Variants in FMN2 observed in about 807,000 individuals in gnomAD.
FMN2 encodes formin 2, also known as formin-2.
A neutral mutation model predicts 142.3 loss-of-function variants in FMN2; 51 were observed. The ratio of observed to expected loss-of-function variants is 0.36; its 90% CI spans 0.29 to 0.45. FMN2 has a LOEUF of 0.45. Ranked by LOEUF, FMN2 falls within the 20% of genes least tolerant of loss-of-function variation. The probability of loss-of-function intolerance (pLI) is 1.00; values close to 1 mark genes in which losing one functional copy is unlikely to be tolerated. For synonymous variants in FMN2, 882 were observed against 869.8 expected (o/e 1.01, Z -0.25); for missense variants, 1,936 against 2,122.8 (o/e 0.91, Z 1.73).
intron 2 of FMN2, among the ~76,000 whole-genome samples, chr1:240,169,181 A>G (rs1026214927): frequency 2.6e-5 from 4 of 152,190 alleles, no homozygotes; most frequent in African/African-American, 9.6e-5. Flanking sequence ...ACAAACTCAA[A>G]ATACCATCCA....
intron 14 of FMN2, among the ~76,000 whole-genome samples, chr1:240,388,431 G>A (rs1673484775): frequency 6.6e-6 from 1 of 152,022 alleles, no homozygotes; most frequent in Non-Finnish European, 1.5e-5. Flanking sequence ...CCCAACACTG[G>A]ACCTTGTGGG....
At chr1:240,448,793 C>T (rs979222381) in intron 16 of FMN2, among the ~76,000 whole-genome samples, 12 of 149,346 alleles carry the variant, frequency 8.0e-5, no homozygotes, top group African/African-American at 2.2e-4. Flanking sequence ...TGCACTCCTG[C>T]GTGGTCAACA....
intron 2 of FMN2, among the ~76,000 whole-genome samples, chr1:240,130,255 A>C (rs1046046319): frequency 1.3e-5 from 2 of 152,174 alleles, no homozygotes; most frequent in Non-Finnish European, 2.9e-5. Context: ...AGGCCACTCA[A>C]ACAAGGATTT....
chr1:240,317,275 C>T (rs1396585929), intron 8 of FMN2, among the ~76,000 whole-genome samples: 1 of 151,472 alleles, frequency 6.6e-6, no homozygotes, highest in African/African-American at 2.4e-5. Flanking sequence ...GATATCATGC[C>T]ACTGCACTCC....
At chr1:240,295,132 A>G (rs1202891570) in intron 8 of FMN2, among the ~76,000 whole-genome samples, 3 of 151,968 alleles carry the variant, frequency 2.0e-5, no homozygotes, top group African/African-American at 7.3e-5. Context: ...TTTTAAATTT[A>G]AATAATAGTA....
chr1:240,092,652 G>C lies in FMN2; in HGVS notation c.543G>C (p.Thr181=), dbSNP rs546118529. The change falls in exon 1 of 18, where the codon ACG becomes ACC. Residue 181 remains threonine (T), a synonymous_variant. Coordinates refer to ENST00000319653, the MANE Select transcript of FMN2 (RefSeq NM_020066.5). Reference sequence around the variant, plus strand: ...AAAGGACCAGCTCGGGCTCGGACACGGACATCTATAGCTTCCATTCGGCTA... The same window carrying C: ...AAAGGACCAGCTCGGGCTCGGACACCGACATCTATAGCTTCCATTCGGCTA... The part of the protein sequence containing the change: ...DGQRTSSGSD[T]DIYSFHSATE... 4 of 1,614,086 alleles carry C rather than the reference G, an allele frequency of 2.5e-6. No homozygotes were observed. The East Asian group carries it at 6.7e-5, about 27-fold the overall frequency.
intron 8 of FMN2, among the ~76,000 whole-genome samples, chr1:240,304,979 T>C (rs55901388): frequency 0.13 from 20,510 of 152,228 alleles, 1,512 homozygotes; most frequent in South Asian, 0.23. Flanking sequence ...AGTACAATTG[T>C]CTAGATGGGG....
intron 16 of FMN2, chr1:240,472,116 A>G (rs937043544): frequency 8.2e-6 from 3 of 365,340 alleles, no homozygotes; most frequent in African/African-American, 2.1e-5. Context: ...TCTGCATAGA[A>G]ATTCTTATGT....
At position 240,207,209 on chromosome 1, in the gene FMN2, C is replaced by G. The variant is rs1666391590; in HGVS notation, c.2397C>G (p.Asp799Glu). 2 of 1,614,040 alleles carry G rather than the reference C, an allele frequency of 1.2e-6. No individual in the cohort carries two copies. Among genetic ancestry groups the G allele is most frequent in the Non-Finnish European group, 1.7e-6 (2 of 1,179,944 alleles). The change falls in exon 5 of 18, where the codon GAC becomes GAG. Residue 799 changes from aspartate (D) to glutamate (E), a missense_variant. By Grantham distance (45) the Asp-to-Glu change is conservative. Coordinates refer to ENST00000319653, the MANE Select transcript of FMN2 (RefSeq NM_020066.5). Reference sequence around the variant, plus strand: ...CAAGGCGAATATCAGTCCAGCTCGACAGCCATCAGCCCACACAGAGCATCT... The same window carrying G: ...CAAGGCGAATATCAGTCCAGCTCGAGAGCCATCAGCCCACACAGAGCATCT... ...VSPRRISVQL[D>E]SHQPTQSISQ...
chr1:240,123,384 T>G (rs768577109), intron 2 of FMN2, 39 bp downstream of exon 2: 1 of 1,592,538 alleles, frequency 6.3e-7, no homozygotes, highest in African/African-American at 1.3e-5. Context: ...GAGGCAGATT[T>G]GCTGTGGAAA....
Position 240,174,577 on chromosome 1 carries a change from GCTGGT to G in FMN2, c.1783-3341_1783-3337del, listed in dbSNP as rs371964595. On this transcript the variant is annotated intron_variant, in intron 2 of 17. Coordinates refer to ENST00000319653, the MANE Select transcript of FMN2 (RefSeq NM_020066.5). ...GGTGGGGTCTCACTGTGTTGCCCAG[GCTGGT>G]CTTGAGCTCCTGGGCTCAAGCAATT... Among the ~76,000 whole-genome samples the G allele has an allele frequency of 4.8e-4, 73 of 152,138 alleles. 1 individual carries two copies. The South Asian group carries it at 0.013, about 27-fold the overall frequency.
chr1:240,329,560 C>T, intron 10 of FMN2, 92 bp downstream of exon 10: 2 of 1,485,194 alleles, frequency 1.3e-6, no homozygotes, highest in Non-Finnish European at 1.8e-6. Context: ...TTTATTTACT[C>T]TAAGTACTCA....
At chr1:240,174,242 T>G (rs1304232885) in intron 2 of FMN2, among the ~76,000 whole-genome samples, 1 of 152,224 alleles carries the variant, frequency 6.6e-6, no homozygotes, top group Admixed American at 6.5e-5. Flanking sequence ...TAGGCTGTTT[T>G]CTGGGGCTGT....
intron 1 of FMN2, among the ~76,000 whole-genome samples, chr1:240,094,635 C>T (rs140500895): frequency 2.4e-4 from 36 of 152,166 alleles, no homozygotes; most frequent in African/African-American, 8.2e-4. Flanking sequence ...GTTTACCTAA[C>T]CTCTATTCTT....
intron 1 of FMN2, among the ~76,000 whole-genome samples, chr1:240,103,503 G>T (rs554337146): frequency 2.0e-4 from 31 of 152,088 alleles, no homozygotes; most frequent in Non-Finnish European, 3.7e-4. Context: ...CTCCTTCTGG[G>T]TTTCCCAAAC....
At chr1:240,188,019 T>C (rs995447361) in intron 3 of FMN2, among the ~76,000 whole-genome samples, 188 bp from the exon 4 acceptor site, 2 of 152,214 alleles carry the variant, frequency 1.3e-5, no homozygotes, top group South Asian at 2.1e-4. Flanking sequence ...AGCATTCTCA[T>C]TGTATGTATT....
chr1:240,361,251 T>C lies in FMN2; in HGVS notation c.4858+5343T>C, dbSNP rs943428587. Among the ~76,000 whole-genome samples, 3 of 148,518 alleles carry C rather than the reference T, an allele frequency of 2.0e-5. No homozygotes were observed. The East Asian group carries it at 6.0e-4, about 30-fold the overall frequency. On this transcript the variant is annotated intron_variant, in intron 14 of 17. Coordinates refer to ENST00000319653, the MANE Select transcript of FMN2 (RefSeq NM_020066.5). ...GGACACAAGCAAATTGGTAGTTGCG[T>C]CGTGGGAGGGAGTAGCATGTGATGA...
intron 2 of FMN2, among the ~76,000 whole-genome samples, chr1:240,177,650 A>T (rs569495688): frequency 5.9e-5 from 9 of 152,278 alleles, no homozygotes; most frequent in African/African-American, 1.4e-4. Flanking sequence ...GCAGGGCTAC[A>T]TAGCATCTCT....
chr1:240,128,214 G>A (rs1181827441), intron 2 of FMN2, among the ~76,000 whole-genome samples: 1 of 152,168 alleles, frequency 6.6e-6, no homozygotes, highest in Admixed American at 6.5e-5. Flanking sequence ...GCTTCTTTGT[G>A]TATTTGGAAC....
Sources: allele counts gnomAD v4.1 joint callset (sites outside exome capture counted in the v4.1 genomes callset), GRCh38; gene constraint gnomAD v4.1.1; transcripts MANE v1.5; gene names NCBI Gene and HGNC (gene_info 2026-07-23, HGNC 2026-07-21).